Variants in ZFHX3 observed in about 807,000 individuals in gnomAD.
ZFHX3 encodes zinc finger homeobox protein 3.
Under a neutral mutation model 279.1 loss-of-function variants are expected in ZFHX3, and 42 were observed. The ratio of observed to expected loss-of-function variants is 0.15; its 90% CI spans 0.12 to 0.19. ZFHX3 has a LOEUF of 0.19. Among genes scored for constraint, ZFHX3 ranks in the 10% least tolerant of loss-of-function variants. The probability of loss-of-function intolerance (pLI) is 1.00; values close to 1 mark genes in which losing one functional copy is unlikely to be tolerated. For missense variants in ZFHX3, 4,981 were observed against 4,754.0 expected (o/e 1.05, Z -1.40); for synonymous variants, 2,293 against 1,957.8 (o/e 1.17, Z -4.52).
intron 2 of ZFHX3, among the ~76,000 whole-genome samples, chr16:73,528,339 C>T (rs983327707): frequency 6.6e-6 from 1 of 152,178 alleles, no homozygotes; most frequent in Admixed American, 6.6e-5. Flanking sequence ...GCAGTACTAG[C>T]CAACAAATTT....
At chr16:73,171,537 C>G (rs1285207522) in intron 5 of ZFHX3, among the ~76,000 whole-genome samples, 1 of 151,940 alleles carries the variant, frequency 6.6e-6, no homozygotes, top group Non-Finnish European at 1.5e-5. Flanking sequence ...CCCAGACGTT[C>G]CTTGCAATTT....
chr16:73,053,688 G>A (rs911780758), intron 1 of ZFHX3, among the ~76,000 whole-genome samples: 9 of 152,154 alleles, frequency 5.9e-5, no homozygotes, highest in African/African-American at 2.2e-4. Context: ...CCTAGGACGA[G>A]GCACAGCCAC....
At chr16:73,018,750 A>G (rs1964195170) in intron 1 of ZFHX3, among the ~76,000 whole-genome samples, 1 of 152,212 alleles carries the variant, frequency 6.6e-6, no homozygotes, top group Non-Finnish European at 1.5e-5. Flanking sequence ...GACTGAAGCT[A>G]GCCTCTGTAT....
rs1312286788 is a variant in ZFHX3, at chr16:73,877,038, C to CAA, written c.-1608+14611_-1608+14612dup. ...TAACTTTATTTTTAATGATGACTTTCAAAAAAAAAAAACAACAACAACAAG... is the reference window on the plus strand; with the variant it reads ...TAACTTTATTTTTAATGATGACTTTCAAAAAAAAAAAAAACAACAACAACAAG... On this transcript the variant is annotated intron_variant, in intron 1 of 17. Coordinates refer to the ZFHX3 transcript ENST00000641206. Among the ~76,000 whole-genome samples the CAA allele has an allele frequency of 1.8e-3, 221 of 124,090 alleles. 1 individual carries two copies. Among genetic ancestry groups the CAA allele is most frequent in the African/African-American group, 6.2e-3 (210 of 34,012 alleles). The allele number at this position is 124,090 out of a possible 152,430, so 81.4% of individuals were successfully genotyped here.
At chr16:73,356,742 T>C (rs1279158643) in intron 3 of ZFHX3, among the ~76,000 whole-genome samples, 1 of 152,060 alleles carries the variant, frequency 6.6e-6, no homozygotes, top group Non-Finnish European at 1.5e-5. Context: ...ATCAATATTA[T>C]CATTAGATTT....
chr16:73,591,203 A>T lies in ZFHX3; in HGVS notation c.-1547+88977T>A, dbSNP rs946918059. On this transcript the variant is annotated intron_variant, in intron 2 of 17. Coordinates refer to the ZFHX3 transcript ENST00000641206. ...CTGTTTCTACTAAAAATGCAAAAAA[A>T]TTTGCCGGGCATGGTGGTGGGCGCT... Among the ~76,000 whole-genome samples the T allele has an allele frequency of 2.6e-4, 40 of 151,746 alleles. 1 individual carries two copies. The highest frequency in any genetic ancestry group is 3.2e-4 in the Non-Finnish European group (22 of 67,962).
At chr16:73,100,530 C>T (rs892642171) in intron 7 of ZFHX3, among the ~76,000 whole-genome samples, 2 of 151,958 alleles carry the variant, frequency 1.3e-5, no homozygotes, top group Admixed American at 1.3e-4. Flanking sequence ...AGACATCTCC[C>T]AGTTTTCTGA....
intron 2 of ZFHX3, among the ~76,000 whole-genome samples, chr16:73,644,080 A>G (rs1351825037): frequency 6.6e-6 from 1 of 151,994 alleles, no homozygotes; most frequent in Non-Finnish European, 1.5e-5. Flanking sequence ...CCATCCACCC[A>G]CCACAAACAA....
intron 3 of ZFHX3, among the ~76,000 whole-genome samples, chr16:73,417,532 G>A (rs1428059903): frequency 2.0e-5 from 3 of 150,750 alleles, no homozygotes; most frequent in African/African-American, 4.9e-5. Flanking sequence ...ATGCCCAGCC[G>A]ATTTCCTAAT....
chr16:73,430,957 T>A (rs2017899762), intron 3 of ZFHX3, among the ~76,000 whole-genome samples: 1 of 152,232 alleles, frequency 6.6e-6, no homozygotes, highest in South Asian at 2.1e-4. Context: ...GGGTCACAAT[T>A]GTGCCTGCTC....
chr16:73,256,134 A>T (rs2144962466), intron 5 of ZFHX3, among the ~76,000 whole-genome samples: 1 of 152,294 alleles, frequency 6.6e-6, no homozygotes, highest in Admixed American at 6.5e-5. Flanking sequence ...GTCTAGGAGG[A>T]GATGCCATTC....
intron 2 of ZFHX3, among the ~76,000 whole-genome samples, chr16:73,553,607 A>G (rs756162997): frequency 4.6e-5 from 7 of 152,168 alleles, no homozygotes; most frequent in Non-Finnish European, 7.3e-5. Flanking sequence ...GTCACCTCCA[A>G]TGTCACTGGT....
chr16:73,357,488 G>A (rs147914878), intron 3 of ZFHX3, among the ~76,000 whole-genome samples: 2 of 152,298 alleles, frequency 1.3e-5, no homozygotes, highest in East Asian at 3.9e-4. Context: ...AATTGAGAGA[G>A]AGGACAGAGA....
At position 72,794,853 on chromosome 16, in the gene ZFHX3, G is replaced by T. The variant is rs150033797; in HGVS notation, c.7829C>A (p.Thr2610Lys). Reference sequence around the variant, plus strand: ...CAGCTTCCTCTTGAGAGTGTTCATTGTGGAGGTTGGAGTTGAAGGAGAAGT... The same window carrying T: ...CAGCTTCCTCTTGAGAGTGTTCATTTTGGAGGTTGGAGTTGAAGGAGAAGT... Reference protein sequence around the residue: ...SATSPSTPTSTMNTLKRKLEE... With the variant: ...SATSPSTPTSKMNTLKRKLEE... The change falls in exon 9 of 10, where the codon ACA becomes AAA. Residue 2610 changes from threonine to lysine, a missense_variant. Thr to Lys is a moderately conservative substitution (Grantham distance 78). Coordinates refer to ENST00000268489, the MANE Select transcript of ZFHX3 (RefSeq NM_006885.4). This position sits in a 1 kb window ranked among gnomAD's most constrained non-coding sequence, Gnocchi z 4.2. 8.1e-6 allele frequency: 13 copies of T among 1,614,050 alleles called. No homozygotes were observed. The highest frequency in any genetic ancestry group is 1.0e-5 in the Non-Finnish European group (12 of 1,180,046).
intron 1 of ZFHX3, among the ~76,000 whole-genome samples, chr16:73,026,068 T>C (rs897838027): frequency 6.6e-6 from 1 of 151,792 alleles, no homozygotes; most frequent in Non-Finnish European, 1.5e-5. Flanking sequence ...GAGGGTCTGC[T>C]GGGCACAGTG....
intron 3 of ZFHX3, among the ~76,000 whole-genome samples, chr16:73,449,327 C>T (rs1299723120): frequency 9.2e-5 from 14 of 152,102 alleles, no homozygotes; most frequent in East Asian, 1.9e-4. Context: ...TAGGCATGCG[C>T]AAGAAATTAG....
intron 5 of ZFHX3, among the ~76,000 whole-genome samples, chr16:73,199,331 T>C (rs1687790218): frequency 6.6e-6 from 1 of 152,192 alleles, no homozygotes. Context: ...TTTATTGCTT[T>C]AGTGGGATAA....
chr16:73,458,432 G>C (rs2018413468), intron 2 of ZFHX3, among the ~76,000 whole-genome samples: 1 of 148,730 alleles, frequency 6.7e-6, no homozygotes, highest in Non-Finnish European at 1.5e-5. Flanking sequence ...CTGGAGGGCA[G>C]TGGTGCAATC....
chr16:73,373,278 T>C (rs966297485), intron 3 of ZFHX3, among the ~76,000 whole-genome samples: 1 of 152,160 alleles, frequency 6.6e-6, no homozygotes, highest in Non-Finnish European at 1.5e-5. Context: ...TGTGCTATGT[T>C]TCATGAAGCA....
Sources: allele counts gnomAD v4.1 joint callset (sites outside exome capture counted in the v4.1 genomes callset), GRCh38; gene constraint gnomAD v4.1.1; non-coding constraint Gnocchi (gnomAD v3.1); transcripts MANE v1.5; gene names NCBI Gene and HGNC (gene_info 2026-07-23, HGNC 2026-07-21).